Variants in GABRB1 observed in about 807,000 individuals in gnomAD.
GABRB1 encodes the protein gamma-aminobutyric acid receptor subunit beta-1.
In GABRB1, 17 loss-of-function variants were observed where a neutral mutation model predicts 51.6. The ratio of observed to expected loss-of-function variants is 0.33; its 90% CI spans 0.23 to 0.49. GABRB1 has a LOEUF of 0.49. Among genes scored for constraint, GABRB1 ranks in the 20% least tolerant of loss-of-function variants. GABRB1 has a pLI of 0.99. For synonymous variants in GABRB1, 247 were observed against 218.9 expected, an observed-to-expected ratio of 1.13 and a Z score of -1.14; for missense variants, 410 against 600.6, an observed-to-expected ratio of 0.68 and a Z score of 3.32.
chr4:47,275,774 C>T (rs111596120), intron 4 of GABRB1, among the ~76,000 whole-genome samples: 2 of 152,056 alleles, frequency 1.3e-5, no homozygotes, highest in South Asian at 2.1e-4. Context: ...TAGAATGAAG[C>T]GCATAAAAGA....
At chr4:47,126,109 T>G (rs970728802) in intron 3 of GABRB1, among the ~76,000 whole-genome samples, 1 of 151,976 alleles carries the variant, frequency 6.6e-6, no homozygotes, top group Non-Finnish European at 1.5e-5. Context: ...TTATCCAGCC[T>G]TTAAAAAATA....
chr4:47,193,654 C>A (rs1719533384), intron 4 of GABRB1, among the ~76,000 whole-genome samples: 1 of 152,022 alleles, frequency 6.6e-6, no homozygotes, highest in Admixed American at 6.6e-5. Flanking sequence ...AAGGTATTAT[C>A]TAAATCCAAG....
intron 3 of GABRB1, among the ~76,000 whole-genome samples, chr4:47,051,636 A>G (rs1397607165): frequency 6.6e-6 from 1 of 152,174 alleles, no homozygotes; most frequent in Non-Finnish European, 1.5e-5. Context: ...TACAGGGAAG[A>G]GAAGAGCCAT....
At chr4:47,245,811 TTTC>T (rs1721715513) in intron 4 of GABRB1, among the ~76,000 whole-genome samples, 1 of 151,626 alleles carries the variant, frequency 6.6e-6, no homozygotes, top group Non-Finnish European at 1.5e-5. Context: ...TCTTTTCGTT[TTTC>T]TTTTCTTTCT....
intron 1 of GABRB1, among the ~76,000 whole-genome samples, chr4:47,011,683 G>A (rs999065425): frequency 7.1e-4 from 108 of 152,174 alleles, no homozygotes; most frequent in African/African-American, 2.5e-3. Flanking sequence ...CAATCTTAGG[G>A]TAGCTCATTT....
intron 3 of GABRB1, among the ~76,000 whole-genome samples, chr4:47,132,205 T>TTTC (rs1353086956): frequency 6.6e-6 from 1 of 152,204 alleles, no homozygotes; most frequent in Non-Finnish European, 1.5e-5. Flanking sequence ...TTGTTTTCAT[T>TTTC]TTCTTGTTGA....
chr4:47,068,875 T>C (rs1181089618), intron 3 of GABRB1, among the ~76,000 whole-genome samples: 2 of 152,152 alleles, frequency 1.3e-5, no homozygotes, highest in Non-Finnish European at 2.9e-5. Context: ...AACCTTCAAT[T>C]TGTAAAATAT....
chr4:47,175,402 T>A (rs922334201), intron 4 of GABRB1, among the ~76,000 whole-genome samples: 16 of 152,086 alleles, frequency 1.1e-4, no homozygotes, highest in Admixed American at 9.2e-4. Context: ...TTCTTTTTCC[T>A]ACAATGCACA....
In GABRB1 at chr4:47,304,248, C is replaced by T. The variant is rs534070153; in HGVS notation, c.462-15879C>T. Among the ~76,000 whole-genome samples the T allele has an allele frequency of 4.1e-3, 631 of 152,110 alleles. 6 individuals are homozygous for T. Among genetic ancestry groups the T allele is most frequent in the Non-Finnish European group, 3.4e-3 (232 of 67,928 alleles). Reference sequence around the variant, plus strand: ...GTTCCATAATGGTTGTACTAATTTACATTCTCACCAACAGTGTGCTAGGCT... The same window carrying T: ...GTTCCATAATGGTTGTACTAATTTATATTCTCACCAACAGTGTGCTAGGCT... On this transcript the variant is annotated intron_variant, in intron 4 of 8. Transcript: ENST00000295454.
chr4:47,059,330 A>G (rs191451389), intron 3 of GABRB1, among the ~76,000 whole-genome samples: 12 of 152,178 alleles, frequency 7.9e-5, no homozygotes, highest in African/African-American at 2.9e-4. Context: ...TAACTTGTCT[A>G]GTTTTAATTT....
chr4:47,249,578 T>C (rs964468372), intron 4 of GABRB1, among the ~76,000 whole-genome samples: 4 of 152,110 alleles, frequency 2.6e-5, no homozygotes, highest in African/African-American at 7.2e-5. Context: ...CTTAGGTCTA[T>C]TAGTAATTGT....
At chr4:47,001,679 C>G (rs1724223728) in intron 1 of GABRB1, among the ~76,000 whole-genome samples, 1 of 152,166 alleles carries the variant, frequency 6.6e-6, no homozygotes, top group Admixed American at 6.5e-5. Flanking sequence ...CCAGACTTCC[C>G]TGCAGATTTT....
chr4:47,314,284 C>T (rs935396397), intron 4 of GABRB1, among the ~76,000 whole-genome samples: 1 of 151,854 alleles, frequency 6.6e-6, no homozygotes, highest in African/African-American at 2.4e-5. Flanking sequence ...GTTATGCTTC[C>T]TAAAAGTTGG....
intron 3 of GABRB1, among the ~76,000 whole-genome samples, chr4:47,071,713 C>G (rs1406516601): frequency 2.8e-5 from 4 of 142,286 alleles, no homozygotes; most frequent in Non-Finnish European, 6.0e-5. Context: ...GGACATTTAT[C>G]TATTTGGTTC....
chr4:47,212,833 A>G (rs1376923519), intron 4 of GABRB1, among the ~76,000 whole-genome samples: 2 of 152,190 alleles, frequency 1.3e-5, no homozygotes, highest in Non-Finnish European at 2.9e-5. Context: ...CCTGTCCCCA[A>G]TATCCCCCAA....
intron 3 of GABRB1, among the ~76,000 whole-genome samples, chr4:47,042,233 C>A (rs923210305): frequency 6.6e-6 from 1 of 151,206 alleles, no homozygotes; most frequent in East Asian, 1.9e-4. Flanking sequence ...TTAATAGTTT[C>A]TTTATCAAGT....
chr4:47,087,807 A>T (rs1728141753), intron 3 of GABRB1, among the ~76,000 whole-genome samples: 1 of 152,168 alleles, frequency 6.6e-6, no homozygotes, highest in Admixed American at 6.5e-5. Context: ...GAAAATGAGG[A>T]TAATATAATC....
At chr4:47,265,456 T>G (rs768667465) in intron 4 of GABRB1, among the ~76,000 whole-genome samples, 1 of 151,826 alleles carries the variant, frequency 6.6e-6, no homozygotes, top group African/African-American at 2.4e-5. Context: ...TTATTTTCCT[T>G]TGGGTGTGGG....
At chr4:47,151,614 A>G (rs1717460514) in intron 3 of GABRB1, among the ~76,000 whole-genome samples, 1 of 152,022 alleles carries the variant, frequency 6.6e-6, no homozygotes, top group African/African-American at 2.4e-5. Flanking sequence ...TGAATATCCG[A>G]TTAGATCTTC....
Sources: gnomAD v4.1 joint callset for allele counts (sites outside exome capture counted in the v4.1 genomes callset) on GRCh38, gnomAD v4.1.1 for gene constraint, MANE v1.5 for transcripts, NCBI Gene and HGNC (gene_info 2026-07-23, HGNC 2026-07-21) for gene names.